SCP2: variants seen among roughly 807,000 people sequenced by gnomAD.
SCP2 encodes the protein sterol carrier protein 2, also known as SCP-2/3-oxoacyl-CoA thiolase.
In SCP2, 48 loss-of-function variants were observed where a neutral mutation model predicts 71.4. The ratio of observed to expected loss-of-function variants is 0.67; its 90% CI spans 0.53 to 0.86. The LOEUF (loss-of-function observed/expected upper bound fraction) is 0.86, where lower values mean the gene tolerates loss of function less well. SCP2 is among the 40% of genes least tolerant of loss of function. The pLI, the probability that SCP2 is intolerant of heterozygous loss-of-function variation, is 0.00. For missense variants in SCP2, 560 were observed against 655.6 expected (o/e 0.85, Z 1.59); for synonymous variants, 220 against 218.1 (o/e 1.01, Z -0.08).
At chr1:53,046,902 A>G (rs891051467) in intron 14 of SCP2, among the ~76,000 whole-genome samples, 2 of 152,242 alleles carry the variant, frequency 1.3e-5, no homozygotes, top group African/African-American at 4.8e-5. Flanking sequence ...TTAGTAGCTT[A>G]AAACAATGCC....
At chr1:53,046,646 T>C (rs932597571) in intron 14 of SCP2, among the ~76,000 whole-genome samples, 6 of 152,192 alleles carry the variant, frequency 3.9e-5, no homozygotes, top group Admixed American at 6.5e-5. Context: ...GAGTTGCAAA[T>C]ATCTTCTCCT....
At chr1:53,027,131 G>A (rs1394024738) in intron 12 of SCP2, among the ~76,000 whole-genome samples, 3 of 151,828 alleles carry the variant, frequency 2.0e-5, no homozygotes, top group Admixed American at 6.6e-5. Flanking sequence ...TTTAGAAATG[G>A]TCTGGTTCCA....
At position 53,047,869 on chromosome 1, in the gene SCP2, G is replaced by A. The variant is rs1200350549; in HGVS notation, c.1480G>A (p.Asp494Asn). 6.2e-7 allele frequency: 1 copy of A among 1,612,024 alleles called. No individual in the cohort carries two copies. The change falls in exon 15 of 16, where the codon GAC becomes AAC. Residue 494 changes from aspartate (D) to asparagine (N), a missense_variant. By Grantham distance (23) the Asp-to-Asn change is conservative (BLOSUM62 1). Around this residue, in one of 3 missense-constraint regions of SCP2, gnomAD observed 43 missense variants for 65.9 expected, o/e 0.65. Coordinates refer to ENST00000371514, the MANE Select transcript of SCP2 (RefSeq NM_002979.5). ...TGTATCTGTTTTAGATAAGAAGGCT[G>A]ACTGCACAATCACAATGGCTGACTC... ...SVLPNSDKKADCTITMADSDF... is the reference protein window; with the variant it reads ...SVLPNSDKKANCTITMADSDF...
intron 6 of SCP2, among the ~76,000 whole-genome samples, chr1:52,969,703 C>A (rs1243992762): frequency 6.6e-6 from 1 of 152,124 alleles, no homozygotes; most frequent in Non-Finnish European, 1.5e-5. Context: ...TGCCTGTAAT[C>A]CCAGCAACTG....
chr1:52,964,051 T>C (rs924415681), intron 6 of SCP2, among the ~76,000 whole-genome samples: 2 of 152,066 alleles, frequency 1.3e-5, no homozygotes, highest in African/African-American at 4.8e-5. Flanking sequence ...ACCTATTTTG[T>C]GAAGGGGAAG....
chr1:53,028,555 T>A (rs1662297371), intron 13 of SCP2, among the ~76,000 whole-genome samples: 1 of 147,520 alleles, frequency 6.8e-6, no homozygotes. Context: ...TTAAAAATGA[T>A]GTTAATTTAA....
chr1:53,009,288 T>C (rs1660832795), intron 11 of SCP2, among the ~76,000 whole-genome samples: 1 of 152,116 alleles, frequency 6.6e-6, no homozygotes, highest in African/African-American at 2.4e-5. Flanking sequence ...TTAAAGTTAA[T>C]ATGAAACCAA....
intron 11 of SCP2, among the ~76,000 whole-genome samples, chr1:53,013,241 G>T: frequency 6.7e-6 from 1 of 148,772 alleles, no homozygotes. Context: ...TCAGCCTCTT[G>T]AGTAGCTAGG....
chr1:52,959,645 G>A (rs762487175), intron 5 of SCP2, among the ~76,000 whole-genome samples: 9 of 151,868 alleles, frequency 5.9e-5, no homozygotes, highest in African/African-American at 9.7e-5. Context: ...TAAAGTGAGC[G>A]TTGATAGTTT....
chr1:52,930,600 T>C (rs1653060690), intron 1 of SCP2, among the ~76,000 whole-genome samples: 1 of 151,832 alleles, frequency 6.6e-6, no homozygotes, highest in Non-Finnish European at 1.5e-5. Flanking sequence ...CACTCCAGCC[T>C]GGGTAATGGG....
chr1:52,943,840 G>A (rs972434064), intron 2 of SCP2: 29 of 450,800 alleles, frequency 6.4e-5, no homozygotes, highest in African/African-American at 5.1e-4. Context: ...CTGCAGTAGA[G>A]GGCACACTCT....
intron 6 of SCP2, among the ~76,000 whole-genome samples, chr1:52,969,313 G>A (rs1017882564): frequency 6.6e-6 from 1 of 151,904 alleles, no homozygotes; most frequent in African/African-American, 2.4e-5. Flanking sequence ...GATCGCTTGA[G>A]CCCAGGAGTT....
At chr1:53,001,323 TCA>T (rs1188094332) in intron 11 of SCP2, among the ~76,000 whole-genome samples, 4 of 152,158 alleles carry the variant, frequency 2.6e-5, no homozygotes, top group African/African-American at 9.7e-5. Context: ...CTAAATCCCA[TCA>T]CATGCCTGGT....
chr1:52,968,279 C>T (rs1657158983), intron 6 of SCP2, among the ~76,000 whole-genome samples: 1 of 152,032 alleles, frequency 6.6e-6, no homozygotes, highest in Non-Finnish European at 1.5e-5. Flanking sequence ...TATGGTTTCT[C>T]CCTTTTCCCT....
rs529364361 is a variant in SCP2 at position 52,961,055 on chromosome 1, T to G, written c.397-448T>G. Among the ~76,000 whole-genome samples, 723 of 149,666 alleles carry G rather than the reference T, an allele frequency of 4.8e-3. 6 individuals carry two copies. Among genetic ancestry groups the G allele is most frequent in the African/African-American group, 0.017 (697 of 40,058 alleles). On this transcript the variant is annotated intron_variant, in intron 5 of 15. Transcript: ENST00000371514. Reference sequence around the variant, plus strand: ...GTGTGAGCCACCACGCCCAGCCTATTTCCTTTGGTTCTTTTTTTTTTTTTT... The same window carrying G: ...GTGTGAGCCACCACGCCCAGCCTATGTCCTTTGGTTCTTTTTTTTTTTTTT...
rs1445620671 is a variant in SCP2, at chr1:52,927,333, G to A, written c.-64G>A. The A allele has an allele frequency of 1.4e-6, 2 of 1,402,702 alleles. No individual in the cohort carries two copies. Among genetic ancestry groups the A allele is most frequent in the African/African-American group, 2.8e-5 (2 of 70,374 alleles). The allele number at this position is 1,402,702 out of a possible 1,614,324, so 86.9% of individuals were successfully genotyped here. On this transcript the variant is annotated 5_prime_UTR_variant, in exon 1 of 16. Coordinates refer to ENST00000371514, the MANE Select transcript of SCP2 (RefSeq NM_002979.5). ...TCGGGCTTCAGGGAGCTCTGGTGCAGTCTCCGCCTGTCAGTGCCGGCAGTC... is the reference window on the plus strand; with the variant it reads ...TCGGGCTTCAGGGAGCTCTGGTGCAATCTCCGCCTGTCAGTGCCGGCAGTC...
At position 52,994,898 on chromosome 1, in the gene SCP2, A is replaced by C. The variant is rs997034318; in HGVS notation, c.1081+6762A>C. ...TACTACAGTGAAGCCATAGATGGCA[A>C]ATATGTTCCTTGTGCTAACCTGGTG... On this transcript the variant is annotated intron_variant, in intron 11 of 15. Transcript: ENST00000371514. The C allele has an allele frequency of 7.8e-6, 4 of 514,466 alleles. No homozygotes were observed. The African/African-American group carries it at 7.8e-5, about 10-fold the overall frequency. The allele number at this position is 514,466 out of a possible 1,614,324, so 31.9% of individuals were successfully genotyped here. A position where few individuals can be genotyped will look rare whatever the true frequency, so the allele number is the denominator to read the frequency against.
intron 4 of SCP2, among the ~76,000 whole-genome samples, chr1:52,954,228 C>T (rs549165358): frequency 8.6e-5 from 13 of 150,504 alleles, no homozygotes; most frequent in South Asian, 2.1e-4. Flanking sequence ...GTGGGAGGAT[C>T]GTTTGAGCCT....
intron 5 of SCP2, 68 bp from the exon 6 acceptor site, chr1:52,961,435 A>G: frequency 6.7e-7 from 1 of 1,492,758 alleles, no homozygotes; most frequent in Non-Finnish European, 9.3e-7. Context: ...TCTTAATAGC[A>G]CTGTAGTAGT....
Sources: allele counts gnomAD v4.1 joint callset (sites outside exome capture counted in the v4.1 genomes callset), GRCh38; gene constraint gnomAD v4.1.1; regional missense constraint gnomAD v4.1.1; transcripts MANE v1.5; gene names NCBI Gene and HGNC (gene_info 2026-07-23, HGNC 2026-07-21).